GLIS2: variants seen among roughly 807,000 people sequenced by gnomAD.
GLIS2 encodes GLIS family zinc finger 2.
In GLIS2, 14 loss-of-function variants were observed where a neutral mutation model predicts 35.6. The observed-to-expected ratio is 0.39, with a 90% confidence interval of 0.26 to 0.61. GLIS2 has a LOEUF of 0.61. Ranked by LOEUF, GLIS2 falls within the 20% of genes least tolerant of loss-of-function variation. The pLI, the probability that GLIS2 is intolerant of heterozygous loss-of-function variation, is 0.48. For synonymous variants in GLIS2, 368 were observed against 325.1 expected (o/e 1.13, Z -1.42); for missense variants, 675 against 713.4 (o/e 0.95, Z 0.61).
At chr16:4,327,083 G>C (rs118111189) in intron 1 of GLIS2, among the ~76,000 whole-genome samples, 6,038 of 151,992 alleles carry the variant, frequency 0.04, 159 homozygotes, top group Non-Finnish European at 0.061. Flanking sequence ...TACTTCAAAC[G>C]GGATTTTTCC....
Position 4,335,209 on chromosome 16 carries a change from G to C in GLIS2, c.656+16G>C, listed in dbSNP as rs753309810. The C allele has an allele frequency of 1.9e-6, 3 of 1,613,588 alleles. No homozygotes were observed. Among genetic ancestry groups the C allele is most frequent in the East Asian group, 4.5e-5 (2 of 44,872 alleles). ...TCAACGCCAGGTGAGGTGGGGGAGA[G>C]AGGGGTAGAGGGAGGACTGGGGTCT... On this transcript the variant is annotated intron_variant, in intron 5 of 6. Transcript: ENST00000433375. This position sits in a 1 kb window ranked among gnomAD's most constrained non-coding sequence, Gnocchi z 4.6.
intron 1 of GLIS2, chr16:4,325,422 A>C (rs2053420196): frequency 6.6e-6 from 1 of 152,118 alleles, no homozygotes; most frequent in Non-Finnish European, 1.5e-5. Context: ...TACTGTCCTC[A>C]TGCTGCTTGC....
In GLIS2 at chr16:4,333,519, G is replaced by A. The variant is rs1284514632; in HGVS notation, c.345G>A (p.Ser115=). 9 of 1,607,760 alleles carry A rather than the reference G, an allele frequency of 5.6e-6. No individual in the cohort carries two copies. The Admixed American group carries it at 6.7e-5, about 12-fold the overall frequency. ...ACCTGCCTCCAGTGCCCAGTGCCTC[G>A]GTAAGGAGGGGTGAGAGTTCCGGAG... ...NGDLPPVPSA[S]DFQPLRYLDG... Residue 115 remains serine, a splice_region_variant and synonymous_variant, in exon 3 of 7, where the codon TCG becomes TCA. Coordinates refer to ENST00000433375, the MANE Select transcript of GLIS2 (RefSeq NM_032575.3).
intron 1 of GLIS2, chr16:4,331,882 G>A (rs979556031): frequency 9.5e-5 from 30 of 317,186 alleles, no homozygotes; most frequent in African/African-American, 5.1e-4. Context: ...CTAGGAGGTC[G>A]AGGCTGCAGT....
rs575833885 is a variant in GLIS2, at chr16:4,338,352, C to G, written c.*828C>G. ...AGATACTGAGTGACCTGGGCCCTGG[C>G]TCAGGGAGCATGTGGGGCCAGGCCC... On this transcript the variant is annotated 3_prime_UTR_variant, in exon 7 of 7. Transcript: ENST00000433375. The G allele has an allele frequency of 6.6e-6, 1 of 152,474 alleles. No homozygotes were observed. The highest frequency in any genetic ancestry group is 2.1e-4 in the South Asian group (1 of 4,836). The allele number at this position is 152,474 out of a possible 1,614,324, so 9.4% of individuals were successfully genotyped here. A position where few individuals can be genotyped will look rare whatever the true frequency, so the allele number is the denominator to read the frequency against.
rs759774923 is a variant in GLIS2 at position 4,335,055 on chromosome 16, C to T, written c.523-5C>T. On this transcript the variant is annotated splice_polypyrimidine_tract_variant and splice_region_variant and intron_variant, in intron 4 of 6. Transcript: ENST00000433375. The surrounding 1 kb of genome is among the most constrained non-coding windows in gnomAD (Gnocchi z 4.6). ...TGGGCTCAGAACACTTCCCATCCTCCGCAGTGTAACCAGCTCTTTGAGCTC... is the reference window on the plus strand; with the variant it reads ...TGGGCTCAGAACACTTCCCATCCTCTGCAGTGTAACCAGCTCTTTGAGCTC... 55 of 1,613,342 alleles carry T rather than the reference C, an allele frequency of 3.4e-5. No homozygotes were observed. Among genetic ancestry groups the T allele is most frequent in the Non-Finnish European group, 4.1e-5 (48 of 1,180,048 alleles).
intron 1 of GLIS2, among the ~76,000 whole-genome samples, chr16:4,323,337 G>A (rs923077139): frequency 7.9e-5 from 12 of 152,190 alleles, no homozygotes; most frequent in African/African-American, 2.7e-4. Context: ...GCTGCGGGGC[G>A]GGCTTTCCTC....
rs1448505340 is a variant in GLIS2 at position 4,335,291 on chromosome 16, C to T, written c.673C>T (p.His225Tyr). The change falls in exon 6 of 7, where the codon CAC becomes TAC. Residue 225 changes from histidine to tyrosine, a missense_variant. His to Tyr is a moderately conservative substitution (Grantham distance 83). This residue lies in a region of GLIS2 where 133 missense variants were observed against 191.4 expected (regional missense o/e 0.69). Coordinates refer to ENST00000433375, the MANE Select transcript of GLIS2 (RefSeq NM_032575.3). This position sits in a 1 kb window ranked among gnomAD's most constrained non-coding sequence, Gnocchi z 4.6. ...GFNARYKMLI[H>Y]IRTHTNEKPH... is the part of the protein sequence containing the mutation. ...CTGGAGCAGGTACAAGATGCTCATC[C>T]ACATCCGCACACACACCAACGAGAA... 6.2e-7 allele frequency: 1 copy of T among 1,613,874 alleles called. No individual in the cohort carries two copies. Among genetic ancestry groups the T allele is most frequent in the Non-Finnish European group, 8.5e-7 (1 of 1,180,026 alleles).
intron 1 of GLIS2, among the ~76,000 whole-genome samples, chr16:4,317,322 A>G (rs544910223): frequency 6.6e-6 from 1 of 152,236 alleles, no homozygotes; most frequent in African/African-American, 2.4e-5. Flanking sequence ...GGTCTGGGCC[A>G]TGGAAAGGGC....
chr16:4,325,049 A>T (rs1243170239), intron 1 of GLIS2, among the ~76,000 whole-genome samples: 1 of 152,192 alleles, frequency 6.6e-6, no homozygotes, highest in East Asian at 1.9e-4. Flanking sequence ...GCTGGTTCCC[A>T]GGAATCTGGG....
chr16:4,331,836 C>G (rs1368526260), intron 1 of GLIS2: 1 of 250,760 alleles, frequency 4.0e-6, no homozygotes, highest in African/African-American at 2.2e-5. Context: ...GTAGTCCCAG[C>G]TACCAGGGAG....
chr16:4,330,705 C>T (rs1290811244), intron 1 of GLIS2, among the ~76,000 whole-genome samples: 1 of 152,262 alleles, frequency 6.6e-6, no homozygotes, highest in Admixed American at 6.5e-5. Flanking sequence ...CGGAGCATGG[C>T]TCCTGCTCTG....
In GLIS2 at chr16:4,336,754, G is replaced by A. The variant is rs1229576978; in HGVS notation, c.805G>A (p.Gly269Ser). Residue 269 changes from glycine to serine, a missense_variant, in exon 7 of 7, where the codon GGC becomes AGC. Transcript: ENST00000433375. ...GEKPYVCPYE[G>S]CNKRYSNSSD... ...GAAGCCCTACGTCTGCCCCTACGAGGGCTGCAACAAGCGCTATTCCAACTC... is the reference window on the plus strand; with the variant it reads ...GAAGCCCTACGTCTGCCCCTACGAGAGCTGCAACAAGCGCTATTCCAACTC... 7.5e-6 allele frequency: 12 copies of A among 1,609,492 alleles called. No individual in the cohort carries two copies. The highest frequency in any genetic ancestry group is 2.2e-5 in the East Asian group (1 of 44,728).
At position 4,332,774 on chromosome 16, in the gene GLIS2, C is replaced by T. The variant is rs1335709149; in HGVS notation, c.172+322C>T. ...TGCACCCTAGGCTGTGGGGTGGTGC[C>T]GCTGGCCAACCTGGGCAGTAGAGGC... On this transcript the variant is annotated intron_variant, in intron 2 of 6. Transcript: ENST00000433375. The surrounding 1 kb of genome is among the most constrained non-coding windows in gnomAD (Gnocchi z 5.4). Among the ~76,000 whole-genome samples, 2 of 152,180 alleles carry T rather than the reference C, an allele frequency of 1.3e-5. No individual in the cohort carries two copies. The highest frequency in any genetic ancestry group is 6.5e-5 in the Admixed American group (1 of 15,280).
At chr16:4,336,493 G>C in intron 6 of GLIS2, 1 of 632,616 alleles carries the variant, frequency 1.6e-6, no homozygotes, top group South Asian at 1.8e-5. Context: ...CTGTAGCAGA[G>C]GGTGCAGGGC....
chr16:4,332,488 T>G lies in GLIS2; in HGVS notation c.172+36T>G. 1.2e-6 allele frequency: 2 copies of G among 1,602,962 alleles called. No individual in the cohort carries two copies. The highest frequency in any genetic ancestry group is 1.7e-6 in the Non-Finnish European group (2 of 1,177,750). The stretch of plus-strand genomic sequence containing the variant: ...TGGGCAGGGCAGGGGGACTTAGCCC[T>G]GATCCAGTCATGGTGACAGGGAGAA... On this transcript the variant is annotated intron_variant, in intron 2 of 6. Coordinates refer to ENST00000433375, the MANE Select transcript of GLIS2 (RefSeq NM_032575.3). This position sits in a 1 kb window ranked among gnomAD's most constrained non-coding sequence, Gnocchi z 5.4.
chr16:4,332,980 C>CT lies in GLIS2; in HGVS notation c.173-366dup, dbSNP rs2053513514. Reference sequence around the variant, plus strand: ...ACCTGCCACTTTACAGAAGGGAACACTGAGGCAGGAAGGGGCCTGGGAAAA... The same window carrying CT: ...ACCTGCCACTTTACAGAAGGGAACACTTGAGGCAGGAAGGGGCCTGGGAAAA... On this transcript the variant is annotated intron_variant, in intron 2 of 6. Transcript: ENST00000433375. The surrounding 1 kb of genome is among the most constrained non-coding windows in gnomAD (Gnocchi z 5.4). 2.6e-5 allele frequency among the ~76,000 whole-genome samples: 4 copies of CT among 152,184 alleles called. No individual in the cohort carries two copies. In the South Asian group the frequency reaches 6.2e-4, roughly 24 times the overall value.
In GLIS2 at chr16:4,333,478, C is replaced by G. The variant is rs371434004; in HGVS notation, c.304C>G (p.Arg102Gly). ...TGGCAGCAGCTCGCTGTCCCCCGAGCGCCAGGGCAACGGGGACCTGCCTCC... is the reference window on the plus strand; with the variant it reads ...TGGCAGCAGCTCGCTGTCCCCCGAGGGCCAGGGCAACGGGGACCTGCCTCC... ...PNGSSSLSPERQGNGDLPPVP... is the reference protein window; with the variant it reads ...PNGSSSLSPEGQGNGDLPPVP... The change falls in exon 3 of 7, where the codon CGC becomes GGC. Residue 102 changes from arginine (R) to glycine (G), a missense_variant. This residue lies in a region of GLIS2 where 225 missense variants were observed against 238.7 expected (regional missense o/e 0.94). Transcript: ENST00000433375. 1.2e-6 allele frequency: 2 copies of G among 1,612,218 alleles called. No individual in the cohort carries two copies. Among genetic ancestry groups the G allele is most frequent in the African/African-American group, 2.7e-5 (2 of 74,900 alleles).
intron 3 of GLIS2, among the ~76,000 whole-genome samples, chr16:4,334,394 C>T (rs190542579): frequency 3.6e-4 from 54 of 151,870 alleles, no homozygotes; most frequent in East Asian, 9.7e-4. Context: ...TGTGCCATCA[C>T]GCCTGGCTAA....
Sources: gnomAD v4.1 joint callset for allele counts (sites outside exome capture counted in the v4.1 genomes callset) on GRCh38, gnomAD v4.1.1 for gene constraint, gnomAD v4.1.1 regional missense constraint, Gnocchi (gnomAD v3.1) non-coding constraint, MANE v1.5 for transcripts, NCBI Gene and HGNC (gene_info 2026-07-23, HGNC 2026-07-21) for gene names.